Variants in ATF2 observed in about 807,000 individuals in gnomAD.
ATF2 encodes activating transcription factor 2, also known as cyclic AMP-dependent transcription factor ATF-2.
A neutral mutation model predicts 60.6 loss-of-function variants in ATF2; 24 were observed. The ratio of observed to expected loss-of-function variants is 0.40; its 90% CI spans 0.29 to 0.56. The LOEUF (loss-of-function observed/expected upper bound fraction) is 0.56. Ranked by LOEUF, ATF2 falls within the 20% of genes least tolerant of loss-of-function variation. ATF2 has a pLI of 0.54. For missense variants in ATF2, 433 were observed against 607.7 expected (o/e 0.71, Z 3.02); for synonymous variants, 206 against 215.4 (o/e 0.96, Z 0.38).
rs1693132608 is a variant in ATF2 at position 175,074,365 on chromosome 2, A to G, written c.*244T>C. On this transcript the variant is annotated 3_prime_UTR_variant, in exon 14 of 14. Transcript: ENST00000264110. The stretch of plus-strand genomic sequence containing the variant: ...TTATAATACAATTTACACATTGAGC[A>G]CAGAAAAATTAATAAATCTAATAAT... 1 of 298,946 alleles carries G rather than the reference A, an allele frequency of 3.3e-6. No homozygotes were observed. Among genetic ancestry groups the G allele is most frequent in the Non-Finnish European group, 6.1e-6 (1 of 163,348 alleles). 18.5% of individuals were successfully genotyped at this position (298,946 alleles called of 1,614,324 possible).
Position 175,074,759 on chromosome 2 carries a change from C to A in ATF2, c.1368G>T (p.Ser456=), listed in dbSNP as rs1354105737. ...AACTGACTCCATTGGATGTGCTGAC[C>A]GAACTATGCTGTATAGCTTCTGTAT... is the stretch of plus-strand genomic sequence containing the variant. The part of the protein sequence containing the change: ...SPHTEAIQHS[S]VSTSNGVSST... Residue 456 remains serine, a synonymous_variant, in exon 14 of 14, where the codon TCG becomes TCT. Transcript: ENST00000264110. 2 of 1,613,484 alleles carry A rather than the reference C, an allele frequency of 1.2e-6. No individual in the cohort carries two copies. Among genetic ancestry groups the A allele is most frequent in the East Asian group, 4.5e-5 (2 of 44,858 alleles).
intron 11 of ATF2, among the ~76,000 whole-genome samples, chr2:175,095,383 C>T (rs1467497787): frequency 2.0e-5 from 3 of 152,216 alleles, no homozygotes; most frequent in Non-Finnish European, 4.4e-5. Context: ...TGAGCCACAA[C>T]CTCCTATTTT....
At chr2:175,093,526 T>C (rs1694694394) in intron 11 of ATF2, among the ~76,000 whole-genome samples, 1 of 152,108 alleles carries the variant, frequency 6.6e-6, no homozygotes, top group Admixed American at 6.5e-5. Flanking sequence ...ATATTTTCAT[T>C]TACATACAAA....
intron 10 of ATF2, among the ~76,000 whole-genome samples, chr2:175,101,630 G>A (rs897554577): frequency 2.0e-5 from 3 of 152,156 alleles, no homozygotes; most frequent in African/African-American, 7.2e-5. Flanking sequence ...GCACATAGGG[G>A]AGCCTGAAGT....
At chr2:175,087,081 T>C (rs1253353069) in intron 12 of ATF2, among the ~76,000 whole-genome samples, 1 of 152,186 alleles carries the variant, frequency 6.6e-6, no homozygotes, top group East Asian at 1.9e-4. Context: ...AAAAAAAATG[T>C]ATACCTCTTA....
intron 12 of ATF2, among the ~76,000 whole-genome samples, chr2:175,087,466 A>C (rs1013934224): frequency 2.0e-5 from 3 of 152,176 alleles, no homozygotes; most frequent in Non-Finnish European, 4.4e-5. Context: ...TTTTTCTTAC[A>C]TTGTCTATGT....
intron 5 of ATF2, among the ~76,000 whole-genome samples, chr2:175,120,468 C>T (rs1696878651): frequency 6.6e-6 from 1 of 151,504 alleles, no homozygotes; most frequent in Non-Finnish European, 1.5e-5. Context: ...AATTTCAATA[C>T]TGTAAGTAGA....
intron 4 of ATF2, chr2:175,126,739 G>A (rs1305670828): frequency 6.6e-6 from 1 of 152,102 alleles, no homozygotes; most frequent in East Asian, 1.9e-4. Flanking sequence ...AATCAGGAAA[G>A]GGCTTTTTTG....
At chr2:175,127,804 C>G (rs956733661) in intron 4 of ATF2, among the ~76,000 whole-genome samples, 2 of 152,258 alleles carry the variant, frequency 1.3e-5, no homozygotes, top group African/African-American at 4.8e-5. Context: ...CCCTGGTTAA[C>G]CTATCTAAAA....
chr2:175,166,283 A>C (rs911942552), intron 1 of ATF2, among the ~76,000 whole-genome samples: 4 of 152,226 alleles, frequency 2.6e-5, no homozygotes, highest in Admixed American at 2.6e-4. Context: ...TCTCAAAGCA[A>C]GATTAAACGT....
chr2:175,165,819 C>A (rs945272068), intron 1 of ATF2, among the ~76,000 whole-genome samples: 2 of 152,276 alleles, frequency 1.3e-5, no homozygotes, highest in African/African-American at 4.8e-5. Flanking sequence ...CAGGAGCCAA[C>A]ACACCCAGCT....
intron 12 of ATF2, among the ~76,000 whole-genome samples, chr2:175,081,277 G>A (rs760636397): frequency 7.9e-5 from 12 of 152,084 alleles, no homozygotes; most frequent in Non-Finnish European, 7.4e-5. Flanking sequence ...TTCACTGCAA[G>A]GCACTCTTGC....
intron 10 of ATF2, among the ~76,000 whole-genome samples, chr2:175,101,717 T>C (rs1204239375): frequency 6.6e-6 from 1 of 152,176 alleles, no homozygotes; most frequent in East Asian, 1.9e-4. Context: ...GCAGCATCAG[T>C]ATTCATTCAT....
chr2:175,114,516 G>A (rs1049667028), intron 8 of ATF2, 174 bp downstream of exon 8: 57 of 1,317,218 alleles, frequency 4.3e-5, no homozygotes, highest in African/African-American at 1.5e-5. Flanking sequence ...CTCCCACTCT[G>A]TTAGTTAATA....
In ATF2 at chr2:175,165,382, T is replaced by C. The variant is rs115158521; in HGVS notation, c.-143+2668A>G. On this transcript the variant is annotated intron_variant, in intron 1 of 13. Transcript: ENST00000264110. ...ATTTCATATTGGAAGGAAGAGCCTT[T>C]AGACAAAATTAGTAGAAAAAGCACA... Among the ~76,000 whole-genome samples, 722 of 152,284 alleles carry C rather than the reference T, an allele frequency of 4.7e-3. 4 individuals are homozygous for C. Among genetic ancestry groups the C allele is most frequent in the African/African-American group, 0.016 (680 of 41,566 alleles).
intron 13 of ATF2, among the ~76,000 whole-genome samples, chr2:175,079,264 A>T (rs1174850539): frequency 6.6e-6 from 1 of 152,198 alleles, no homozygotes; most frequent in East Asian, 1.9e-4. Flanking sequence ...AATTGGATAC[A>T]ATTTAAGAGA....
At position 175,094,403 on chromosome 2, in the gene ATF2, G is replaced by GAAAAAAAAAAAA. The variant is rs61440218; in HGVS notation, c.979-1148_979-1137dup. 8.9e-3 allele frequency among the ~76,000 whole-genome samples: 545 copies of GAAAAAAAAAAAA among 61,210 alleles called. 5 individuals are homozygous for GAAAAAAAAAAAA. Among genetic ancestry groups the GAAAAAAAAAAAA allele is most frequent in the East Asian group, 0.019 (26 of 1,334 alleles). The allele number at this position is 61,210 out of a possible 152,430, so 40.2% of individuals were successfully genotyped here. ...AGCGAGACTCAGTCTCAAAAAATAC[G>GAAAAAAAAAAAA]AAAAAAAAAAAAAAAAAAAAAAAAA... On this transcript the variant is annotated intron_variant, in intron 11 of 13. Coordinates refer to ENST00000264110, the MANE Select transcript of ATF2 (RefSeq NM_001880.4).
At chr2:175,084,530 A>T (rs1043435885) in intron 12 of ATF2, among the ~76,000 whole-genome samples, 2 of 148,560 alleles carry the variant, frequency 1.3e-5, no homozygotes, top group Admixed American at 6.7e-5. Context: ...GCATTAGGAG[A>T]TATACCTAAT....
chr2:175,140,164 T>C (rs1698406493), intron 2 of ATF2, among the ~76,000 whole-genome samples: 1 of 152,228 alleles, frequency 6.6e-6, no homozygotes, highest in Non-Finnish European at 1.5e-5. Context: ...CTGGAATGTT[T>C]ACAATGCCTT....
Sources: gnomAD v4.1 joint callset for allele counts (sites outside exome capture counted in the v4.1 genomes callset) on GRCh38, gnomAD v4.1.1 for gene constraint, MANE v1.5 for transcripts, NCBI Gene and HGNC (gene_info 2026-07-23, HGNC 2026-07-21) for gene names.